CDH17: variants seen among roughly 807,000 people sequenced by gnomAD.
The protein encoded by CDH17 is cadherin-17.
Under a neutral mutation model 86.3 loss-of-function variants are expected in CDH17, and 67 were observed. The ratio of observed to expected loss-of-function variants is 0.78; its 90% CI spans 0.64 to 0.95. The LOEUF is 0.95. Among genes scored for constraint, CDH17 ranks in the 40% least tolerant of loss-of-function variants. CDH17 has a pLI of 0.00. For missense variants in CDH17, 993 were observed against 1,017.6 expected (o/e 0.98, Z 0.33); for synonymous variants, 367 against 366.4 (o/e 1.00, Z -0.02).
chr8:94,138,419 A>G (rs1490799332), intron 15 of CDH17, among the ~76,000 whole-genome samples: 1 of 152,226 alleles, frequency 6.6e-6, no homozygotes, highest in Non-Finnish European at 1.5e-5. Context: ...CTTACCACCC[A>G]AAGCAAATAT....
At chr8:94,145,003 C>G (rs1812712782) in intron 15 of CDH17, among the ~76,000 whole-genome samples, 1 of 152,322 alleles carries the variant, frequency 6.6e-6, no homozygotes, top group Admixed American at 6.5e-5. Flanking sequence ...AGGCTGAGCA[C>G]AGCAAGTGCT....
chr8:94,138,492 T>C (rs1263571721), intron 15 of CDH17, among the ~76,000 whole-genome samples: 1 of 152,016 alleles, frequency 6.6e-6, no homozygotes, highest in Non-Finnish European at 1.5e-5. Flanking sequence ...TGAGTTGAGG[T>C]GATGGAGCAC....
intron 14 of CDH17, among the ~76,000 whole-genome samples, chr8:94,147,480 A>C (rs189439602): frequency 6.6e-6 from 1 of 151,082 alleles, no homozygotes; most frequent in Non-Finnish European, 1.5e-5. Context: ...TCACATTTTG[A>C]AAGTTTTTTT....
intron 15 of CDH17, among the ~76,000 whole-genome samples, chr8:94,141,993 T>C (rs1183719692): frequency 6.6e-6 from 1 of 152,202 alleles, no homozygotes; most frequent in East Asian, 1.9e-4. Context: ...GTTATTGGTA[T>C]AAAAATAGAA....
At chr8:94,138,093 A>G (rs1408315059) in intron 15 of CDH17, among the ~76,000 whole-genome samples, 2 of 152,186 alleles carry the variant, frequency 1.3e-5, no homozygotes, top group African/African-American at 4.8e-5. Context: ...TAGAAAATTG[A>G]GAGTACAAAA....
At chr8:94,205,074 T>C (rs1394837343) in intron 1 of CDH17, among the ~76,000 whole-genome samples, 1 of 152,170 alleles carries the variant, frequency 6.6e-6, no homozygotes, top group Non-Finnish European at 1.5e-5. Context: ...TAGGCATAAA[T>C]GGGTTTTAAG....
intron 11 of CDH17, 150 bp from the exon 12 acceptor site, chr8:94,160,312 G>C (rs951198390): frequency 1.7e-5 from 10 of 599,174 alleles, no homozygotes; most frequent in Admixed American, 9.7e-5. Flanking sequence ...TGAATATATT[G>C]CAGTTGATTT....
At chr8:94,151,336 G>C (rs1812851686) in intron 13 of CDH17, among the ~76,000 whole-genome samples, 1 of 152,130 alleles carries the variant, frequency 6.6e-6, no homozygotes. Flanking sequence ...ATTTTGTTTA[G>C]CCACCTCAGC....
intron 9 of CDH17, among the ~76,000 whole-genome samples, chr8:94,168,123 T>TACAC (rs1813196166): frequency 3.6e-5 from 2 of 54,820 alleles, no homozygotes; most frequent in African/African-American, 1.4e-4. Context: ...TATATATATA[T>TACAC]ATATATATAT....
At chr8:94,168,011 G>A (rs1404394718) in intron 9 of CDH17, among the ~76,000 whole-genome samples, 1 of 148,404 alleles carries the variant, frequency 6.7e-6, no homozygotes, top group Admixed American at 6.7e-5. Context: ...TGGCAAGTGG[G>A]ATTCAAGAAT....
At chr8:94,170,275 AC>A (rs1813241336) in intron 9 of CDH17, 121 bp downstream of exon 9, 5 of 978,888 alleles carry the variant, frequency 5.1e-6, no homozygotes, top group Non-Finnish European at 7.6e-6. Flanking sequence ...GGTACAGTCA[AC>A]CTCTATGCTG....
Position 94,165,885 on chromosome 8 carries a change from G to T in CDH17, c.1158C>A (p.Pro386=), listed in dbSNP as rs369342885. 6.2e-7 allele frequency: 1 copy of T among 1,613,558 alleles called. No homozygotes were observed. Among genetic ancestry groups the T allele is most frequent in the African/African-American group, 1.3e-5 (1 of 74,916 alleles). The change falls in exon 10 of 18, where the codon CCC becomes CCA. Residue 386 remains proline (P), a synonymous_variant. Coordinates refer to ENST00000027335, the MANE Select transcript of CDH17 (RefSeq NM_004063.4). ...GGAAGAGTCCATCCATGGGAAGTTT[G>T]GGAGTTTGCTCCACAATCCTGTAGT... The part of the protein sequence containing the change: ...FLNYRIVEQT[P]KLPMDGLFLI...
chr8:94,160,283 G>T, intron 11 of CDH17, 121 bp from the exon 12 acceptor site: 1 of 697,022 alleles, frequency 1.4e-6, no homozygotes, highest in Non-Finnish European at 2.3e-6. Context: ...TCTTCATGGG[G>T]CATGTTTTTT....
chr8:94,148,028 G>A (rs1437621425), intron 14 of CDH17, among the ~76,000 whole-genome samples: 1 of 152,188 alleles, frequency 6.6e-6, no homozygotes, highest in African/African-American at 2.4e-5. Flanking sequence ...AAGGATGAGA[G>A]TTACAATTTA....
At chr8:94,192,924 G>A (rs994861548) in intron 2 of CDH17, among the ~76,000 whole-genome samples, 1 of 152,202 alleles carries the variant, frequency 6.6e-6, no homozygotes, top group Non-Finnish European at 1.5e-5. Context: ...TAGTGCTTCT[G>A]TTGAATAAAG....
intron 3 of CDH17, among the ~76,000 whole-genome samples, chr8:94,188,753 G>A (rs569611923): frequency 6.6e-6 from 1 of 152,292 alleles, no homozygotes; most frequent in South Asian, 2.1e-4. Context: ...CAGAGAAGGT[G>A]GTAAGGAAAA....
chr8:94,148,541 CAAAAAAAAAAAAAAAAA>C (rs59942237), intron 14 of CDH17, among the ~76,000 whole-genome samples, 186 bp downstream of exon 14: 2 of 29,202 alleles, frequency 6.8e-5, no homozygotes, highest in African/African-American at 1.0e-4. Context: ...GACTCCATCT[CAAAAAAAAAAAAAAAAA>C]AAAAAAAAAA....
At chr8:94,150,244 T>C (rs1318749117) in intron 13 of CDH17, among the ~76,000 whole-genome samples, 1 of 152,128 alleles carries the variant, frequency 6.6e-6, no homozygotes, top group Non-Finnish European at 1.5e-5. Context: ...GATGATCTGA[T>C]TGACTTTTTT....
chr8:94,174,864 A>AT (rs1420736395), intron 5 of CDH17, among the ~76,000 whole-genome samples: 1 of 152,136 alleles, frequency 6.6e-6, no homozygotes, highest in East Asian at 1.9e-4. Flanking sequence ...TTTTCTTACT[A>AT]TTTTTGTCTT....
Sources: allele counts gnomAD v4.1 joint callset (sites outside exome capture counted in the v4.1 genomes callset), GRCh38; gene constraint gnomAD v4.1.1; transcripts MANE v1.5; gene names NCBI Gene and HGNC (gene_info 2026-07-23, HGNC 2026-07-21).